Variants in RIMS1 observed in about 807,000 individuals in gnomAD.
RIMS1 encodes the protein regulating synaptic membrane exocytosis 1, also known as regulating synaptic membrane exocytosis protein 1.
RIMS1 carries 83 observed loss-of-function variants against 214.1 expected under a neutral mutation model. The observed-to-expected ratio is 0.39, with a 90% CI of 0.32 to 0.47. The LOEUF is 0.47. Ranked by LOEUF, RIMS1 falls within the 20% of genes least tolerant of loss-of-function variation. The probability of loss-of-function intolerance (pLI) is 0.99; values close to 1 mark genes in which losing one functional copy is unlikely to be tolerated. For missense variants in RIMS1, 2,050 were observed against 2,161.8 expected (o/e 0.95, Z 1.03); for synonymous variants, 793 against 786.8 (o/e 1.01, Z -0.13).
At position 72,095,615 on chromosome 6, in the gene RIMS1, A is replaced by G. The variant is rs115597410; in HGVS notation, c.246-1334A>G. 1.2e-3 allele frequency among the ~76,000 whole-genome samples: 179 copies of G among 152,320 alleles called. 1 individual carries two copies. The highest frequency in any genetic ancestry group is 4.2e-3 in the African/African-American group (173 of 41,584). On this transcript the variant is annotated intron_variant, in intron 2 of 33. Coordinates refer to ENST00000521978, the MANE Select transcript of RIMS1 (RefSeq NM_014989.7). ...AAAGGTGCCAACTGGCAAAGCAGCA[A>G]AGGGATTTGAGAATTTTTAAAGTAA...
intron 6 of RIMS1, among the ~76,000 whole-genome samples, chr6:72,209,442 A>G (rs551832886): frequency 6.6e-6 from 1 of 152,334 alleles, no homozygotes; most frequent in East Asian, 1.9e-4. Flanking sequence ...TAACATTTTG[A>G]GAATTCTTAT....
chr6:72,252,929 T>C, intron 16 of RIMS1, 97 bp downstream of exon 16: 1 of 832,272 alleles, frequency 1.2e-6, no homozygotes, highest in Non-Finnish European at 2.0e-6. Flanking sequence ...ACTGAAGATT[T>C]ATAGCACAGA....
chr6:72,321,030 G>GA (rs2096127052), intron 28 of RIMS1, among the ~76,000 whole-genome samples: 1 of 151,958 alleles, frequency 6.6e-6, no homozygotes, highest in African/African-American at 2.4e-5. Context: ...TGATAACCAA[G>GA]TGCGGATTGA....
intron 23 of RIMS1, among the ~76,000 whole-genome samples, chr6:72,276,799 C>T (rs1182274998): frequency 6.6e-6 from 1 of 152,106 alleles, no homozygotes; most frequent in Non-Finnish European, 1.5e-5. Context: ...TATATGTCAA[C>T]CACTTGGCAA....
chr6:72,224,101 T>C (rs2059453350), intron 6 of RIMS1, among the ~76,000 whole-genome samples: 1 of 152,092 alleles, frequency 6.6e-6, no homozygotes, highest in Non-Finnish European at 1.5e-5. Context: ...GTCACCATGA[T>C]CCATATAGTA....
At chr6:72,140,685 T>C (rs989925606) in intron 4 of RIMS1, among the ~76,000 whole-genome samples, 4 of 152,062 alleles carry the variant, frequency 2.6e-5, no homozygotes, top group Non-Finnish European at 2.9e-5. Context: ...ACCTCTAACT[T>C]CCCAGAGTTT....
At chr6:72,211,503 G>A (rs1471382477) in intron 6 of RIMS1, among the ~76,000 whole-genome samples, 1 of 152,156 alleles carries the variant, frequency 6.6e-6, no homozygotes, top group Non-Finnish European at 1.5e-5. Flanking sequence ...TAGATTAGTA[G>A]AGATGTTTTT....
At chr6:71,942,489 A>G (rs1786464236) in intron 1 of RIMS1, among the ~76,000 whole-genome samples, 1 of 152,204 alleles carries the variant, frequency 6.6e-6, no homozygotes, top group African/African-American at 2.4e-5. Flanking sequence ...TCAAACATGT[A>G]TAGTAAAATA....
chr6:72,003,622 GTGTGTGTC>G (rs987751386), intron 2 of RIMS1, among the ~76,000 whole-genome samples: 11 of 151,966 alleles, frequency 7.2e-5, no homozygotes, highest in East Asian at 1.9e-4. Flanking sequence ...GTGTGTGTGT[GTGTGTGTC>G]TGTGTGTCTG....
intron 4 of RIMS1, among the ~76,000 whole-genome samples, chr6:72,163,096 A>C (rs1369062369): frequency 7.3e-6 from 1 of 136,460 alleles, no homozygotes; most frequent in Non-Finnish European, 1.7e-5. Flanking sequence ...TCTTTTTATT[A>C]TTTTTTTCTC....
At chr6:72,340,642 ATC>A (rs1244978650) in intron 29 of RIMS1, among the ~76,000 whole-genome samples, 1 of 151,956 alleles carries the variant, frequency 6.6e-6, no homozygotes, top group East Asian at 1.9e-4. Flanking sequence ...ATTGGTCTAT[ATC>A]TCTGTTTTGG....
chr6:72,148,547 C>G (rs1342233308), intron 4 of RIMS1: 18 of 456,284 alleles, frequency 3.9e-5, no homozygotes, highest in South Asian at 2.8e-4. Context: ...CCTATACTCC[C>G]TGCTGTCAGT....
At chr6:72,272,913 A>T (rs912037099) in intron 22 of RIMS1, among the ~76,000 whole-genome samples, 10 of 152,220 alleles carry the variant, frequency 6.6e-5, no homozygotes, top group Admixed American at 5.2e-4. Flanking sequence ...TTTTTAAAAC[A>T]TTCAGATTGG....
intron 29 of RIMS1, among the ~76,000 whole-genome samples, chr6:72,367,625 C>T (rs1386586978): frequency 1.3e-5 from 2 of 152,154 alleles, no homozygotes; most frequent in African/African-American, 4.8e-5. Flanking sequence ...ATGTCACAAA[C>T]AGCCTGGCTG....
Position 72,058,327 on chromosome 6 carries a change from C to T in RIMS1, c.246-38622C>T, listed in dbSNP as rs978512162. On this transcript the variant is annotated intron_variant, in intron 2 of 33. Coordinates refer to ENST00000521978, the MANE Select transcript of RIMS1 (RefSeq NM_014989.7). ...GTGATTCTTCTTTTCAGAGATGACACCCATCTTTATCATTTAAACAAAAGT... is the reference window on the plus strand; with the variant it reads ...GTGATTCTTCTTTTCAGAGATGACATCCATCTTTATCATTTAAACAAAAGT... Among the ~76,000 whole-genome samples the T allele has an allele frequency of 6.6e-5, 10 of 152,292 alleles. No homozygotes were observed. The East Asian group carries it at 9.6e-4, about 15-fold the overall frequency.
In RIMS1 at chr6:71,992,404, C is replaced by CTCTCTCTTTCTT. The variant is rs1252103778; in HGVS notation, c.245+23344_245+23345insCTCTTTCTTTCT. On this transcript the variant is annotated intron_variant, in intron 2 of 33. Coordinates refer to ENST00000521978, the MANE Select transcript of RIMS1 (RefSeq NM_014989.7). ...TGCTTGCTTCTTTCTTTCTCTCTCT[C>CTCTCTCTTTCTT]TCTTTCTTTCTTTCTTTCTTTCTTT... 5.5e-3 allele frequency among the ~76,000 whole-genome samples: 610 copies of CTCTCTCTTTCTT among 110,112 alleles called. 2 individuals are homozygous for CTCTCTCTTTCTT. Among genetic ancestry groups the CTCTCTCTTTCTT allele is most frequent in the Non-Finnish European group, 5.7e-3 (312 of 54,690 alleles). 72.2% of individuals were successfully genotyped at this position (110,112 alleles called of 152,430 possible).
At chr6:72,296,821 T>C (rs1005452069) in intron 26 of RIMS1, among the ~76,000 whole-genome samples, 34 of 152,044 alleles carry the variant, frequency 2.2e-4, no homozygotes, top group African/African-American at 8.2e-4. Context: ...ATCATTCCTA[T>C]TTTAGGAATA....
chr6:72,241,583 C>T (rs1562961207), intron 9 of RIMS1, among the ~76,000 whole-genome samples: 1 of 151,922 alleles, frequency 6.6e-6, no homozygotes, highest in Admixed American at 6.6e-5. Context: ...CAACTATGTA[C>T]TGTATTAATG....
chr6:72,107,160 G>A (rs1199567559), intron 4 of RIMS1, among the ~76,000 whole-genome samples: 2 of 152,158 alleles, frequency 1.3e-5, no homozygotes, highest in South Asian at 2.1e-4. Context: ...CCATTTTAAT[G>A]TGTGAGTTTC....
Sources: gnomAD v4.1 joint callset for allele counts (sites outside exome capture counted in the v4.1 genomes callset) on GRCh38, gnomAD v4.1.1 for gene constraint, MANE v1.5 for transcripts, NCBI Gene and HGNC (gene_info 2026-07-23, HGNC 2026-07-21) for gene names.